The following PABPN1L variants were observed in gnomAD, a reference collection of about 807,000 sequenced individuals.
The protein encoded by PABPN1L is PABPN1 like, cytoplasmic.
A neutral mutation model predicts 34.0 loss-of-function variants in PABPN1L; 45 were observed. The ratio of observed to expected loss-of-function variants is 1.32; its 90% CI spans 1.04 to 1.70. The LOEUF is 1.70. Among genes scored for constraint, PABPN1L ranks in the 40% most tolerant of loss-of-function variants. PABPN1L has a pLI of 0.00. For missense variants in PABPN1L, 459 were observed against 367.8 expected, an observed-to-expected ratio of 1.25 and a Z score of -2.03; for synonymous variants, 182 against 152.1, an observed-to-expected ratio of 1.20 and a Z score of -1.45.
exon 2 of PABPN1L, chr16:88,865,889 G>C: frequency 1.2e-6 from 2 of 1,609,434 alleles, no homozygotes; most frequent in African/African-American, 2.7e-5. Flanking sequence ...AGGCCGTGGC[G>C]TCCCCTCGGC....
chr16:88,869,600 A>G (rs1968660909), upstream of PABPN1L, among the ~76,000 whole-genome samples: 1 of 152,160 alleles, frequency 6.6e-6, no homozygotes, highest in Non-Finnish European at 1.5e-5. Flanking sequence ...TCCTGTTGGG[A>G]TGGAGCCCCC....
chr16:88,869,455 G>A (rs923013516), upstream of PABPN1L, among the ~76,000 whole-genome samples: 17 of 152,362 alleles, frequency 1.1e-4, no homozygotes, highest in African/African-American at 3.8e-4. Context: ...CTGTCCTCAC[G>A]CCTTTCCTGC....
chr16:88,863,967 A>T (rs1968513585), intron 6 of PABPN1L, among the ~76,000 whole-genome samples, 172 bp from the exon 7 acceptor site: 1 of 152,172 alleles, frequency 6.6e-6, no homozygotes, highest in South Asian at 2.1e-4. Flanking sequence ...GGTCCCACGA[A>T]AAGGAAAGGC....
chr16:88,867,204 A>G (rs936021606), upstream of PABPN1L, among the ~76,000 whole-genome samples: 14 of 148,874 alleles, frequency 9.4e-5, no homozygotes, highest in African/African-American at 3.2e-4. Flanking sequence ...TTGCCTCCCT[A>G]ACCCTTATTC....
intron 3 of PABPN1L, 55 bp from the exon 4 acceptor site, chr16:88,865,183 C>G: frequency 6.6e-7 from 1 of 1,526,568 alleles, no homozygotes; most frequent in Non-Finnish European, 8.9e-7. Flanking sequence ...TGACTCGGGG[C>G]CTTCTTGTTA....
chr16:88,868,530 CG>C (rs1968642943), upstream of PABPN1L, among the ~76,000 whole-genome samples: 1 of 152,036 alleles, frequency 6.6e-6, no homozygotes. Flanking sequence ...CACTTGAACC[CG>C]GGAGGCAGAG....
chr16:88,863,636 G>A (rs1007993311), exon 7 of PABPN1L: 1 of 1,283,648 alleles, frequency 7.8e-7, no homozygotes, highest in South Asian at 1.3e-5. Context: ...TGGCTGCTCT[G>A]GACACCCCTC....
chr16:88,864,531 C>T (rs1329907967), intron 5 of PABPN1L, among the ~76,000 whole-genome samples, 152 bp from the exon 6 acceptor site: 1 of 152,170 alleles, frequency 6.6e-6, no homozygotes, highest in Admixed American at 6.5e-5. Context: ...CCTACCATAG[C>T]TGTCATATGA....
At chr16:88,866,202 G>C (rs190544160) in intron 1 of PABPN1L, 150 bp downstream of exon 1, 1 of 1,331,198 alleles carries the variant, frequency 7.5e-7, no homozygotes, top group African/African-American at 1.5e-5. Flanking sequence ...GGGGCGGGGG[G>C]TCTCCTTGCC....
Position 88,865,650 on chromosome 16 carries a change from G to A in PABPN1L, c.392-20C>T, listed in dbSNP as rs1968574047. ...GGCAGCCTGCGGAGAACACAGCTCA[G>A]GCCCGCAGGCCCTTGGTTCCTTCCT... On this transcript the variant is annotated intron_variant, in intron 2 of 6. Coordinates refer to ENST00000419291, the Ensembl canonical transcript of PABPN1L. 1 of 1,591,628 alleles carries A rather than the reference G, an allele frequency of 6.3e-7. No homozygotes were observed. Among genetic ancestry groups the A allele is most frequent in the Non-Finnish European group, 8.6e-7 (1 of 1,168,134 alleles).
At chr16:88,864,482 T>C in intron 5 of PABPN1L, 103 bp from the exon 6 acceptor site, 1 of 1,432,830 alleles carries the variant, frequency 7.0e-7, no homozygotes, top group East Asian at 2.5e-5. Context: ...CCTGCCCGGC[T>C]CAGGATACCA....
upstream of PABPN1L, among the ~76,000 whole-genome samples, chr16:88,869,419 G>A (rs1968658033): frequency 6.6e-6 from 1 of 152,226 alleles, no homozygotes; most frequent in Non-Finnish European, 1.5e-5. Flanking sequence ...AGGGCTGCCG[G>A]GCTGCTCCTC....
Position 88,863,539 on chromosome 16 carries a change from CCGTGGCTGTGACT to C in PABPN1L, c.*204_*216del, listed in dbSNP as rs377705006. ...GGCCCATGCCAGGCTCACCACCGGG[CCGTGGCTGTGACT>C]CGTGGCTGTGGCCTTGGGTCTGGAC... is the stretch of plus-strand genomic sequence containing the variant. On this transcript the variant is annotated 3_prime_UTR_variant, in exon 7 of 7. Coordinates refer to ENST00000419291, the Ensembl canonical transcript of PABPN1L. 374 of 658,632 alleles carry C rather than the reference CCGTGGCTGTGACT, an allele frequency of 5.7e-4. 1 individual carries two copies. The African/African-American group carries it at 5.8e-3, about 10-fold the overall frequency. The allele number at this position is 658,632 out of a possible 1,614,324, so 40.8% of individuals were successfully genotyped here.
chr16:88,868,805 C>T (rs149718380), upstream of PABPN1L, among the ~76,000 whole-genome samples: 42 of 152,304 alleles, frequency 2.8e-4, 1 homozygote, highest in East Asian at 6.9e-3. Flanking sequence ...AAGAGAATTA[C>T]GTAGCCCCAC....
At position 88,864,417 on chromosome 16, in the gene PABPN1L, C is replaced by T. The variant is rs185437398; in HGVS notation, c.655-38G>A. On this transcript the variant is annotated intron_variant, in intron 5 of 6. Transcript: ENST00000419291. ...CCTGTTTTGAGTCCTCCTCAAGGAG[C>T]AGCCGAGACCCAGCTCACAGCCCCC... 3,164 of 1,535,128 alleles carry T rather than the reference C, an allele frequency of 2.1e-3. 3 individuals are homozygous for T. The highest frequency in any genetic ancestry group is 2.4e-3 in the Non-Finnish European group (2,684 of 1,138,568).
Position 88,866,512 on chromosome 16 carries a change from G to GC in PABPN1L, c.94dup (p.Ala32GlyfsTer48). The GC allele has an allele frequency of 6.4e-7, 1 of 1,550,992 alleles. No individual in the cohort carries two copies. On this transcript the variant is annotated frameshift_variant, in exon 1 of 7. Transcript: ENST00000419291. LOFTEE classifies it high-confidence loss of function. ...CAGAATCTCCTTGGTCTCGTTCCAG[G>GC]CCCCCCAGCCCTGGGCCTCAGGGTC...
rs558590337 is a variant in PABPN1L at position 88,864,424 on chromosome 16, G to A, written c.655-45C>T. The A allele has an allele frequency of 2.3e-5, 35 of 1,524,684 alleles. No individual in the cohort carries two copies. The African/African-American group carries it at 4.8e-4, about 21-fold the overall frequency. The allele number at this position is 1,524,684 out of a possible 1,614,324, so 94.4% of individuals were successfully genotyped here. A position where few individuals can be genotyped will look rare whatever the true frequency, so the allele number is the denominator to read the frequency against. ...TGAGTCCTCCTCAAGGAGCAGCCGA[G>A]ACCCAGCTCACAGCCCCCGCAGCCC... On this transcript the variant is annotated intron_variant, in intron 5 of 6. Coordinates refer to ENST00000419291, the Ensembl canonical transcript of PABPN1L.
chr16:88,869,972 C>A (rs1034202190), upstream of PABPN1L, among the ~76,000 whole-genome samples: 3 of 152,234 alleles, frequency 2.0e-5, no homozygotes, highest in Non-Finnish European at 2.9e-5. Flanking sequence ...CAGGACAACT[C>A]CTATTCCAGA....
chr16:88,867,653 C>T (rs768261735), upstream of PABPN1L, among the ~76,000 whole-genome samples: 23 of 152,160 alleles, frequency 1.5e-4, no homozygotes, highest in Non-Finnish European at 2.9e-4. Flanking sequence ...GGAGTGACGG[C>T]GTGAGTTACT....
Sources: allele counts gnomAD v4.1 joint callset (sites outside exome capture counted in the v4.1 genomes callset), GRCh38; gene constraint gnomAD v4.1.1; transcripts MANE v1.5; gene names NCBI Gene and HGNC (gene_info 2026-07-23, HGNC 2026-07-21).